Variants in RSRC1 observed in about 807,000 individuals in gnomAD.
RSRC1 encodes the protein serine/Arginine-related protein 53.
A neutral mutation model predicts 49.1 loss-of-function variants in RSRC1; 39 were observed. That is an observed-to-expected ratio of 0.79 (90% CI 0.61 to 1.04). RSRC1 has a LOEUF of 1.04. Among genes scored for constraint, RSRC1 ranks in the 50% least tolerant of loss-of-function variants. The pLI is 0.00. For synonymous variants in RSRC1, 143 were observed against 130.8 expected (o/e 1.09, Z -0.63); for missense variants, 388 against 402.4 (o/e 0.96, Z 0.31).
chr3:158,306,606 A>G (rs1185809118), intron 5 of RSRC1, among the ~76,000 whole-genome samples: 2 of 151,946 alleles, frequency 1.3e-5, no homozygotes, highest in Non-Finnish European at 2.9e-5. Flanking sequence ...GGGTTACTTT[A>G]TATAAGAAAA....
intron 3 of RSRC1, among the ~76,000 whole-genome samples, chr3:158,196,071 C>A (rs1053414128): frequency 5.9e-5 from 9 of 152,126 alleles, no homozygotes; most frequent in African/African-American, 2.2e-4. Flanking sequence ...GGCATTGAAT[C>A]TATAAATTAC....
chr3:158,444,512 A>AT (rs1201348743), intron 6 of RSRC1, among the ~76,000 whole-genome samples: 1 of 151,706 alleles, frequency 6.6e-6, no homozygotes, highest in Admixed American at 6.6e-5. Context: ...GTAAGTCAAG[A>AT]TGGATTAAAG....
chr3:158,450,890 T>C (rs2108389587), intron 6 of RSRC1, among the ~76,000 whole-genome samples: 1 of 152,022 alleles, frequency 6.6e-6, no homozygotes, highest in Admixed American at 6.6e-5. Flanking sequence ...AGTAGCTTAC[T>C]ATTGTGTTCT....
At chr3:158,235,349 G>A (rs1163281465) in intron 4 of RSRC1, among the ~76,000 whole-genome samples, 1 of 152,080 alleles carries the variant, frequency 6.6e-6, no homozygotes, top group East Asian at 1.9e-4. Flanking sequence ...GATGCCAGTA[G>A]TACAAGGGAT....
At chr3:158,352,495 T>C (rs1426967922) in intron 5 of RSRC1, among the ~76,000 whole-genome samples, 1 of 152,158 alleles carries the variant, frequency 6.6e-6, no homozygotes, top group Non-Finnish European at 1.5e-5. Flanking sequence ...AAATCTTTCC[T>C]TATGAAATAC....
At chr3:158,117,242 A>T (rs149995046) in intron 1 of RSRC1, among the ~76,000 whole-genome samples, 2 of 152,102 alleles carry the variant, frequency 1.3e-5, no homozygotes, top group Non-Finnish European at 2.9e-5. Flanking sequence ...TATGAGATAT[A>T]CTGGGTATGT....
intron 5 of RSRC1, among the ~76,000 whole-genome samples, chr3:158,324,461 C>G (rs1170589159): frequency 2.6e-5 from 4 of 152,102 alleles, no homozygotes; most frequent in African/African-American, 9.7e-5. Context: ...CAATTCCCAC[C>G]TATGAGTGAG....
chr3:158,334,671 G>GTGTC (rs1729776957), intron 5 of RSRC1, among the ~76,000 whole-genome samples: 1 of 151,232 alleles, frequency 6.6e-6, no homozygotes, highest in African/African-American at 2.4e-5. Context: ...GTGTGTGTGT[G>GTGTC]TGTGTGTGTG....
At chr3:158,200,168 G>T (rs1255213597) in intron 3 of RSRC1, among the ~76,000 whole-genome samples, 1 of 152,052 alleles carries the variant, frequency 6.6e-6, no homozygotes, top group East Asian at 1.9e-4. Flanking sequence ...CTCCCAAGTA[G>T]CTGGGACTAC....
chr3:158,501,559 G>C (rs938585843), intron 7 of RSRC1, among the ~76,000 whole-genome samples: 3 of 151,950 alleles, frequency 2.0e-5, no homozygotes, highest in African/African-American at 4.8e-5. Flanking sequence ...GTGCATATAT[G>C]TGATATTTTC....
At chr3:158,331,016 T>C (rs747048890) in intron 5 of RSRC1, among the ~76,000 whole-genome samples, 3 of 152,116 alleles carry the variant, frequency 2.0e-5, no homozygotes, top group Non-Finnish European at 2.9e-5. Context: ...AGAGAGCATG[T>C]GCAGGGGAAT....
At chr3:158,492,240 C>T (rs574094182) in intron 7 of RSRC1, among the ~76,000 whole-genome samples, 5 of 152,288 alleles carry the variant, frequency 3.3e-5, no homozygotes, top group African/African-American at 1.2e-4. Context: ...CCCACCAGGT[C>T]CCTCCCTTGA....
chr3:158,356,102 C>T (rs1020754965), intron 6 of RSRC1, among the ~76,000 whole-genome samples: 1 of 151,834 alleles, frequency 6.6e-6, no homozygotes, highest in East Asian at 1.9e-4. Flanking sequence ...TATTTTTGGA[C>T]CACAGTTGAC....
At chr3:158,424,771 T>C (rs1735305996) in intron 6 of RSRC1, among the ~76,000 whole-genome samples, 1 of 152,198 alleles carries the variant, frequency 6.6e-6, no homozygotes, top group African/African-American at 2.4e-5. Context: ...GTTATTGGTC[T>C]ATTCAGAGAT....
rs1266645494 is a variant in RSRC1, at chr3:158,350,422, C to T, written c.532-4435C>T. Among the ~76,000 whole-genome samples, 4 of 152,048 alleles carry T rather than the reference C, an allele frequency of 2.6e-5. No individual in the cohort carries two copies. In the East Asian group the frequency reaches 7.7e-4, roughly 29 times the overall value. On this transcript the variant is annotated intron_variant, in intron 5 of 9. Transcript: ENST00000611884. ...CTTGTGAGCTCAAGCGATCTGCCCG[C>T]CTTGGCCTCCCAAAGTGCTAGATTA...
intron 4 of RSRC1, among the ~76,000 whole-genome samples, chr3:158,266,769 C>T (rs1725206129): frequency 6.6e-6 from 1 of 151,796 alleles, no homozygotes; most frequent in South Asian, 2.1e-4. Flanking sequence ...CTTTTTGATA[C>T]AGGGTTTCAC....
At chr3:158,110,795 A>G (rs1714336474) in intron 1 of RSRC1, among the ~76,000 whole-genome samples, 1 of 152,182 alleles carries the variant, frequency 6.6e-6, no homozygotes, top group Non-Finnish European at 1.5e-5. Context: ...CGCCTTAAAC[A>G]CACTATATAT....
At chr3:158,255,806 C>G (rs1015497219) in intron 4 of RSRC1, among the ~76,000 whole-genome samples, 4 of 152,140 alleles carry the variant, frequency 2.6e-5, no homozygotes, top group Admixed American at 6.5e-5. Context: ...GTATTTTACT[C>G]TCTTTGTAGC....
intron 4 of RSRC1, among the ~76,000 whole-genome samples, chr3:158,228,990 AT>A: frequency 1.4e-5 from 1 of 69,624 alleles, no homozygotes; most frequent in Non-Finnish European, 3.6e-5. Context: ...ATAAACACAC[AT>A]ACGTGTATAT....
Sources: allele counts gnomAD v4.1 joint callset (sites outside exome capture counted in the v4.1 genomes callset), GRCh38; gene constraint gnomAD v4.1.1; transcripts MANE v1.5; gene names NCBI Gene and HGNC (gene_info 2026-07-23, HGNC 2026-07-21).